Variants in MAD1L1 observed in about 807,000 individuals in gnomAD.
The protein encoded by MAD1L1 is mitotic spindle assembly checkpoint protein MAD1.
Under a neutral mutation model 96.9 loss-of-function variants are expected in MAD1L1, and 95 were observed. The ratio of observed to expected loss-of-function variants is 0.98; its 90% confidence interval spans 0.83 to 1.16. The LOEUF (loss-of-function observed/expected upper bound fraction) is 1.16, where lower values mean the gene tolerates loss of function less well. Among genes scored for constraint, MAD1L1 ranks in the 50% most tolerant of loss-of-function variants. The probability of loss-of-function intolerance (pLI) is 0.00; values close to 1 mark genes in which losing one functional copy is unlikely to be tolerated. For synonymous variants in MAD1L1, 473 were observed against 396.6 expected, an observed-to-expected ratio of 1.19 and a Z score of -2.29; for missense variants, 1,007 against 954.4, an observed-to-expected ratio of 1.06 and a Z score of -0.73.
intron 17 of MAD1L1, among the ~76,000 whole-genome samples, chr7:1,906,853 C>G (rs188423503): frequency 3.3e-5 from 5 of 152,376 alleles, no homozygotes; most frequent in African/African-American, 1.2e-4. Flanking sequence ...AGCACACACA[C>G]AGCGGACGGG....
At chr7:1,860,135 G>T (rs1330514689) in intron 18 of MAD1L1, among the ~76,000 whole-genome samples, 56 of 103,460 alleles carry the variant, frequency 5.4e-4, no homozygotes, top group Middle Eastern at 0.012. Flanking sequence ...CCTGACATCT[G>T]GCGGGGCGGC....
chr7:2,199,016 G>A (rs1008046723), intron 10 of MAD1L1, among the ~76,000 whole-genome samples: 13 of 152,134 alleles, frequency 8.5e-5, no homozygotes, highest in South Asian at 4.1e-4. Context: ...CAGTCCTCCC[G>A]GCCTTGGGCG....
chr7:1,896,495 G>A (rs976299140), intron 18 of MAD1L1, among the ~76,000 whole-genome samples: 11 of 152,228 alleles, frequency 7.2e-5, no homozygotes, highest in Non-Finnish European at 2.9e-5. Flanking sequence ...GCTACTTGCT[G>A]ACGGTGTTTT....
At chr7:1,818,975 G>C (rs1447777262) in intron 18 of MAD1L1, among the ~76,000 whole-genome samples, 1 of 152,010 alleles carries the variant, frequency 6.6e-6, no homozygotes, top group African/African-American at 2.4e-5. Context: ...TGAACAAGTC[G>C]ACCTGCTGTG....
At chr7:2,001,149 C>A (rs749315963) in intron 14 of MAD1L1, among the ~76,000 whole-genome samples, 1 of 152,272 alleles carries the variant, frequency 6.6e-6, no homozygotes, top group African/African-American at 2.4e-5. Context: ...CTCACAGTCA[C>A]GAGCTGGCAA....
At chr7:2,167,355 G>A (rs921164818) in intron 10 of MAD1L1, among the ~76,000 whole-genome samples, 1 of 151,556 alleles carries the variant, frequency 6.6e-6, no homozygotes, top group Non-Finnish European at 1.5e-5. Context: ...AGACCATCCT[G>A]GCTAACACGG....
At chr7:1,882,464 C>T (rs1328692130) in intron 18 of MAD1L1, among the ~76,000 whole-genome samples, 1 of 152,194 alleles carries the variant, frequency 6.6e-6, no homozygotes, top group Non-Finnish European at 1.5e-5. Flanking sequence ...CCTTGCCTGC[C>T]TGTCAGGGAG....
intron 16 of MAD1L1, among the ~76,000 whole-genome samples, chr7:1,944,376 T>G (rs1003804422): frequency 6.6e-6 from 1 of 152,110 alleles, no homozygotes; most frequent in Non-Finnish European, 1.5e-5. Flanking sequence ...GCGTCGCATT[T>G]CAATAGAGCT....
chr7:2,055,849 G>A (rs1390037357), intron 12 of MAD1L1, among the ~76,000 whole-genome samples: 1 of 151,948 alleles, frequency 6.6e-6, no homozygotes, highest in Non-Finnish European at 1.5e-5. Flanking sequence ...CATGGTGGCA[G>A]GCGCCTGTAA....
In MAD1L1 at chr7:2,103,944, C is replaced by A. The variant is rs1199659588; in HGVS notation, c.1074-34606G>T. Among the ~76,000 whole-genome samples the A allele has an allele frequency of 1.3e-5, 2 of 152,208 alleles. No homozygotes were observed. The highest frequency in any genetic ancestry group is 2.9e-5 in the Non-Finnish European group (2 of 68,040). On this transcript the variant is annotated intron_variant, in intron 11 of 18. Coordinates refer to ENST00000265854, the MANE Select transcript of MAD1L1 (RefSeq NM_001013836.2). This position sits in a 1 kb window ranked among gnomAD's most constrained non-coding sequence, Gnocchi z 4.3. ...GCTGGACGTCGGAGAAAGAGGCCCC[C>A]AGACACATGGCAGAGAATCAAATAT...
intron 11 of MAD1L1, among the ~76,000 whole-genome samples, chr7:2,078,823 C>T (rs1053681518): frequency 1.3e-5 from 2 of 152,144 alleles, no homozygotes; most frequent in Non-Finnish European, 2.9e-5. Flanking sequence ...GGGAGGACAG[C>T]GGCAGCACCG....
chr7:1,849,091 C>T (rs2128639018), intron 18 of MAD1L1: 1 of 154,618 alleles, frequency 6.5e-6, no homozygotes, highest in Non-Finnish European at 1.5e-5. Context: ...CATGCACGGA[C>T]ACATGCACAC....
intron 17 of MAD1L1, among the ~76,000 whole-genome samples, chr7:1,918,383 C>T (rs896206812): frequency 2.6e-5 from 4 of 152,182 alleles, no homozygotes; most frequent in African/African-American, 9.7e-5. Flanking sequence ...GATCCTCCCT[C>T]GGCTCCGTCT....
chr7:2,180,311 G>A (rs1343285628), intron 10 of MAD1L1, among the ~76,000 whole-genome samples: 1 of 152,216 alleles, frequency 6.6e-6, no homozygotes, highest in African/African-American at 2.4e-5. Flanking sequence ...GCCACCACCT[G>A]GCCCAGCGTG....
intron 11 of MAD1L1, among the ~76,000 whole-genome samples, chr7:2,118,730 T>C (rs1389500216): frequency 6.6e-6 from 1 of 152,096 alleles, no homozygotes; most frequent in Non-Finnish European, 1.5e-5. Context: ...AGGAGCAGGC[T>C]CGGCTCACAG....
At chr7:1,918,645 A>T (rs901832430) in intron 17 of MAD1L1, among the ~76,000 whole-genome samples, 2 of 152,208 alleles carry the variant, frequency 1.3e-5, no homozygotes, top group East Asian at 3.8e-4. Context: ...AACTCTAATT[A>T]CACACCTAAT....
intron 10 of MAD1L1, among the ~76,000 whole-genome samples, chr7:2,185,037 G>A (rs1312369469): frequency 6.6e-6 from 1 of 152,022 alleles, no homozygotes; most frequent in African/African-American, 2.4e-5. Flanking sequence ...AAAATGTAAT[G>A]TACCACTCAT....
At chr7:2,058,883 A>G (rs879227164) in intron 12 of MAD1L1, among the ~76,000 whole-genome samples, 53 of 11,184 alleles carry the variant, frequency 4.7e-3, no homozygotes, top group African/African-American at 0.014. Context: ...GCGCGGGGCT[A>G]GAGTGGGAGT....
intron 10 of MAD1L1, among the ~76,000 whole-genome samples, chr7:2,212,052 C>A (rs1792973832): frequency 1.3e-5 from 2 of 152,188 alleles, no homozygotes; most frequent in Non-Finnish European, 2.9e-5. Context: ...GCACACAGGG[C>A]AACCAGGAAG....
Sources: gnomAD v4.1 joint callset for allele counts (sites outside exome capture counted in the v4.1 genomes callset) on GRCh38, gnomAD v4.1.1 for gene constraint, Gnocchi (gnomAD v3.1) non-coding constraint, MANE v1.5 for transcripts, NCBI Gene and HGNC (gene_info 2026-07-23, HGNC 2026-07-21) for gene names.